Variants in SIDT2 observed in about 807,000 individuals in gnomAD.
The protein encoded by SIDT2 is SID1 transmembrane family, member 2.
SIDT2 carries 68 observed loss-of-function variants against 114.4 expected under a neutral mutation model. The observed-to-expected ratio is 0.59, with a 90% confidence interval of 0.49 to 0.73. The LOEUF (loss-of-function observed/expected upper bound fraction) is 0.73, where lower values mean the gene tolerates loss of function less well. Among genes scored for constraint, SIDT2 ranks in the 30% least tolerant of loss-of-function variants. The pLI is 0.00. For synonymous variants in SIDT2, 470 were observed against 438.4 expected (o/e 1.07, Z -0.90); for missense variants, 918 against 1,097.1 (o/e 0.84, Z 2.31).
At chr11:117,191,483 C>CT in intron 18 of SIDT2, 1 of 192,492 alleles carries the variant, frequency 5.2e-6, no homozygotes, top group South Asian at 9.8e-5. Context: ...ACTCAGGGGG[C>CT]TGAGGCAGGA....
In SIDT2 at chr11:117,187,673, C is replaced by T; in HGVS notation, c.1133C>T (p.Thr378Ile). Residue 378 changes from threonine to isoleucine, a missense_variant, in exon 12 of 26, where the codon ACT (threonine) becomes ATT (isoleucine). By Grantham distance (89) the Thr-to-Ile change is moderately conservative (BLOSUM62 -1). Transcript: ENST00000324225. ...GATGGTCTGGTTGACAGCGCTGGCA[C>T]TGGGGACCTCTCTTACGGTTACCAG... is the stretch of plus-strand genomic sequence containing the variant. ...STDGLVDSAGTGDLSYGYQGR... is the reference protein window; with the variant it reads ...STDGLVDSAGIGDLSYGYQGR... 1 of 1,614,048 alleles carries T rather than the reference C, an allele frequency of 6.2e-7. No homozygotes were observed. The highest frequency in any genetic ancestry group is 8.5e-7 in the Non-Finnish European group (1 of 1,180,010).
At chr11:117,189,532 C>T (rs946031484) in intron 15 of SIDT2, 131 bp downstream of exon 15, 30 of 981,546 alleles carry the variant, frequency 3.1e-5, no homozygotes, top group African/African-American at 4.9e-5. Context: ...CCTTCCCAGC[C>T]GAGTGACCCA....
At position 117,188,673 on chromosome 11, in the gene SIDT2, C is replaced by T; in HGVS notation, c.1160-35C>T. On this transcript the variant is annotated intron_variant, in intron 12 of 25. Transcript: ENST00000324225. The surrounding 1 kb of genome is among the most constrained non-coding windows in gnomAD (Gnocchi z 4.0). ...CGAGGGCCACTGTGGGTTTTGTGTC[C>T]ACCGGTGCAACCCCTCCCTCCCTGC... 1 of 1,546,362 alleles carries T rather than the reference C, an allele frequency of 6.5e-7. No individual in the cohort carries two copies. Among genetic ancestry groups the T allele is most frequent in the Admixed American group, 1.7e-5 (1 of 59,872 alleles).
chr11:117,196,178 G>C lies in SIDT2; in HGVS notation c.*112G>C. On this transcript the variant is annotated 3_prime_UTR_variant, in exon 26 of 26. Transcript: ENST00000324225. This position sits in a 1 kb window ranked among gnomAD's most constrained non-coding sequence, Gnocchi z 4.9. ...GTCCCAGCACCGCTGCCCAGCACTGGATGGCAGCAGGACAGCCAGGTCTAG... is the reference window on the plus strand; with the variant it reads ...GTCCCAGCACCGCTGCCCAGCACTGCATGGCAGCAGGACAGCCAGGTCTAG... The C allele has an allele frequency of 7.0e-7, 1 of 1,425,134 alleles. No homozygotes were observed. Among genetic ancestry groups the C allele is most frequent in the Admixed American group, 1.8e-5 (1 of 54,124 alleles). The allele number at this position is 1,425,134 out of a possible 1,614,324, so 88.3% of individuals were successfully genotyped here.
At chr11:117,186,863 C>T (rs375311634) in intron 10 of SIDT2, 36 of 1,156,272 alleles carry the variant, frequency 3.1e-5, no homozygotes, top group African/African-American at 2.7e-4. Flanking sequence ...CCATGTCTAG[C>T]GATGGTGTCT....
Position 117,184,063 on chromosome 11 carries a change from T to C in SIDT2, c.803-11T>C. 6.2e-7 allele frequency: 1 copy of C among 1,614,070 alleles called. No homozygotes were observed. Among genetic ancestry groups the C allele is most frequent in the Non-Finnish European group, 8.5e-7 (1 of 1,179,986 alleles). ...GGCAACTAGTTTACCACTTTGACAT[T>C]TTACTTCCAGATGAACCGGTCGATC... is the stretch of plus-strand genomic sequence containing the variant. On this transcript the variant is annotated splice_polypyrimidine_tract_variant and intron_variant, in intron 7 of 25. Coordinates refer to ENST00000324225, the MANE Select transcript of SIDT2 (RefSeq NM_001040455.2).
Position 117,181,425 on chromosome 11 carries a change from G to A in SIDT2, c.193G>A (p.Val65Met), listed in dbSNP as rs139301680. Residue 65 changes from valine to methionine, a missense_variant, in exon 2 of 26, where the codon GTG becomes ATG. Physicochemically the swap from Val to Met is conservative, Grantham distance 21. Coordinates refer to ENST00000324225, the MANE Select transcript of SIDT2 (RefSeq NM_001040455.2). ...CCATGTCGTTCTGCAGACAGAGGGC[G>A]TGCGTGTGTCTGTGAACGTCCTGAA... Reference protein sequence around the residue: ...HTVTRNRTEGVRVSVNVLNKQ... With the variant: ...HTVTRNRTEGMRVSVNVLNKQ... 8.7e-6 allele frequency: 14 copies of A among 1,613,420 alleles called. No homozygotes were observed. The highest frequency in any genetic ancestry group is 2.7e-5 in the African/African-American group (2 of 74,766).
intron 15 of SIDT2, 58 bp from the exon 16 acceptor site, chr11:117,189,894 G>T (rs1193603856): frequency 1.9e-6 from 3 of 1,568,174 alleles, no homozygotes; most frequent in African/African-American, 2.7e-5. Flanking sequence ...GGATGGCGGG[G>T]CGTGGGCTGA....
chr11:117,181,596 C>G, intron 2 of SIDT2, 59 bp downstream of exon 2: 3 of 1,607,302 alleles, frequency 1.9e-6, no homozygotes, highest in Middle Eastern at 1.7e-4. Context: ...TTGGCTGGAG[C>G]CTCAACCAGG....
Position 117,179,535 on chromosome 11 carries a change from C to T in SIDT2, c.183+89C>T. ...GCCGCCCCGCTACCCTTTTGGGAGG[C>T]CCCAGGAACGAGCTGTCCTGCTAGG... On this transcript the variant is annotated intron_variant, in intron 1 of 25. Transcript: ENST00000324225. The T allele has an allele frequency of 2.8e-6, 4 of 1,404,366 alleles. No individual in the cohort carries two copies. The African/African-American group carries it at 4.3e-5, about 15-fold the overall frequency. The allele number at this position is 1,404,366 out of a possible 1,614,324, so 87.0% of individuals were successfully genotyped here. A position where few individuals can be genotyped will look rare whatever the true frequency, so the allele number is the denominator to read the frequency against.
chr11:117,191,802 G>A (rs1263946482), intron 18 of SIDT2, 76 bp from the exon 19 acceptor site: 1 of 1,567,976 alleles, frequency 6.4e-7, no homozygotes, highest in African/African-American at 1.4e-5. Flanking sequence ...CTTCCTCTGG[G>A]ATTGTTGGGG....
rs948031654 is a variant in SIDT2, at chr11:117,188,791, G to C, written c.1243G>C (p.Asp415His). Residue 415 changes from aspartate to histidine, a missense_variant, in exon 13 of 26, where the codon GAC (aspartate) becomes CAC (histidine). Transcript: ENST00000324225. This position sits in a 1 kb window ranked among gnomAD's most constrained non-coding sequence, Gnocchi z 4.0. ...GGAGGATGACTACGACACATTGACCGACATCGATTCCGACAAGAATGTCAT... is the reference window on the plus strand; with the variant it reads ...GGAGGATGACTACGACACATTGACCCACATCGATTCCGACAAGAATGTCAT... ...VEEDDYDTLTDIDSDKNVIRT... is the reference protein window; with the variant it reads ...VEEDDYDTLTHIDSDKNVIRT... 6.2e-7 allele frequency: 1 copy of C among 1,614,012 alleles called. No individual in the cohort carries two copies. The highest frequency in any genetic ancestry group is 8.5e-7 in the Non-Finnish European group (1 of 1,180,030).
At position 117,182,080 on chromosome 11, in the gene SIDT2, TCAA is replaced by T. The variant is rs1408643474; in HGVS notation, c.492_494del (p.Asn165del). 1 of 1,614,048 alleles carries T rather than the reference TCAA, an allele frequency of 6.2e-7. No homozygotes were observed. Among genetic ancestry groups the T allele is most frequent in the South Asian group, 1.1e-5 (1 of 91,078 alleles). ...TGCAGGACTGGGGAGCAGTTCAGCT[TCAA>T]TACCACAGCAGCACAGCCCCAGGTA... On this transcript the variant is annotated inframe_deletion, in exon 4 of 26. Transcript: ENST00000324225.
chr11:117,185,725 A>T (rs998098594), intron 8 of SIDT2, among the ~76,000 whole-genome samples: 1 of 152,118 alleles, frequency 6.6e-6, no homozygotes, highest in African/African-American at 2.4e-5. Context: ...AAAAAATAAA[A>T]AAATGAGCCA....
At chr11:117,183,678 T>C (rs2030387010) in intron 6 of SIDT2, 101 bp from the exon 7 acceptor site, 2 of 863,942 alleles carry the variant, frequency 2.3e-6, no homozygotes, top group South Asian at 1.6e-5. Context: ...GTAAAATATA[T>C]CTATGAAGAA....
chr11:117,179,213 T>TGTCGCC lies in SIDT2; in HGVS notation c.-49_-44dup. 1 of 1,575,624 alleles carries TGTCGCC rather than the reference T, an allele frequency of 6.3e-7. No homozygotes were observed. Among genetic ancestry groups the TGTCGCC allele is most frequent in the Non-Finnish European group, 8.6e-7 (1 of 1,161,526 alleles). On this transcript the variant is annotated 5_prime_UTR_variant, in exon 1 of 26. Transcript: ENST00000324225. ...CCCGTCCCGGAGGTGTCCTGTCTCC[T>TGTCGCC]GTCGCCGCCGCCGCCGCCACCACCG...
At chr11:117,182,035 G>A (rs1207211080) in intron 3 of SIDT2, 25 bp from the exon 4 acceptor site, 1 of 1,614,056 alleles carries the variant, frequency 6.2e-7, no homozygotes, top group East Asian at 2.2e-5. Flanking sequence ...GGGGTGACTG[G>A]TGGGGGCTCT....
At position 117,188,018 on chromosome 11, in the gene SIDT2, CG is replaced by C. The variant is rs2030565534; in HGVS notation, c.1159+321del. 1 of 577,096 alleles carries C rather than the reference CG, an allele frequency of 1.7e-6. No individual in the cohort carries two copies. The highest frequency in any genetic ancestry group is 3.3e-6 in the Non-Finnish European group (1 of 304,664). 35.7% of individuals were successfully genotyped at this position (577,096 alleles called of 1,614,324 possible). ...GTGCCTGCCGGCTCCGGTTGACTGC[CG>C]GCTGTGGGGCCAGAAAGATTCTATG... On this transcript the variant is annotated intron_variant, in intron 12 of 25. Coordinates refer to ENST00000324225, the MANE Select transcript of SIDT2 (RefSeq NM_001040455.2). This position sits in a 1 kb window ranked among gnomAD's most constrained non-coding sequence, Gnocchi z 4.0.
intron 15 of SIDT2, 69 bp from the exon 16 acceptor site, chr11:117,189,883 C>T (rs2030637407): frequency 8.5e-6 from 13 of 1,529,606 alleles, no homozygotes; most frequent in South Asian, 3.4e-5. Flanking sequence ...CAAAGGGGCC[C>T]GGATGGCGGG....
Sources: allele counts gnomAD v4.1 joint callset (sites outside exome capture counted in the v4.1 genomes callset), GRCh38; gene constraint gnomAD v4.1.1; non-coding constraint Gnocchi (gnomAD v3.1); transcripts MANE v1.5; gene names NCBI Gene and HGNC (gene_info 2026-07-23, HGNC 2026-07-21).